Variants in GRIK2 observed in about 807,000 individuals in gnomAD.
GRIK2 encodes glutamate ionotropic receptor kainate type subunit 2.
In GRIK2, 32 loss-of-function variants were observed where a neutral mutation model predicts 100.3. The ratio of observed to expected loss-of-function variants is 0.32; its 90% CI spans 0.24 to 0.43. The LOEUF (loss-of-function observed/expected upper bound fraction) is 0.43. Among genes scored for constraint, GRIK2 ranks in the 20% least tolerant of loss-of-function variants. The pLI is 1.00. For missense variants in GRIK2, 843 were observed against 1,114.9 expected, an observed-to-expected ratio of 0.76 and a Z score of 3.47; for synonymous variants, 417 against 389.4, an observed-to-expected ratio of 1.07 and a Z score of -0.83.
At chr6:101,515,073 A>G (rs1582621240) in intron 2 of GRIK2, among the ~76,000 whole-genome samples, 1 of 152,198 alleles carries the variant, frequency 6.6e-6, no homozygotes, top group African/African-American at 2.4e-5. Flanking sequence ...CCAAGTCCCC[A>G]GAGTCCACTG....
chr6:101,807,241 G>GGT (rs1186802254), intron 9 of GRIK2, among the ~76,000 whole-genome samples: 2 of 151,800 alleles, frequency 1.3e-5, no homozygotes, highest in African/African-American at 4.8e-5. Flanking sequence ...GTTTCAAGTG[G>GGT]GTAAAGGATT....
chr6:102,068,385 G>A lies in GRIK2; in HGVS notation c.2601G>A (p.Met867Ile), dbSNP rs2235076. 35,884 of 1,611,558 alleles carry A rather than the reference G, an allele frequency of 0.022. 489 individuals carry two copies. The highest frequency in any genetic ancestry group is 0.032 in the Middle Eastern group (194 of 6,040). ...GTGCCATGGTAGAAGAATTGAGGAT[G>A]TCCCTGAAGTGCCAGCGTCGGTTAA... ...FCSAMVEELR[M>I]SLKCQRRLKH... The change falls in exon 17 of 17, where the codon ATG becomes ATA. Residue 867 changes from methionine to isoleucine, a missense_variant. Met to Ile is a conservative substitution (Grantham distance 10, BLOSUM62 1). Transcript: ENST00000369134.
chr6:101,676,652 G>C lies in GRIK2; in HGVS notation c.571G>C (p.Ala191Pro). Residue 191 changes from alanine to proline, a missense_variant, in exon 5 of 17, where the codon GCT becomes CCT. By Grantham distance (27) the Ala-to-Pro change is conservative. Coordinates refer to ENST00000369134, the MANE Select transcript of GRIK2 (RefSeq NM_021956.5). ...CATTCGTTTGCAAGAGCTCATCAAA[G>C]CTCCATCAAGGTATAATCTTCGACT... ...GLIRLQELIK[A>P]PSRYNLRLKI... 1 of 1,584,290 alleles carries C rather than the reference G, an allele frequency of 6.3e-7. No homozygotes were observed. The highest frequency in any genetic ancestry group is 1.2e-5 in the South Asian group (1 of 85,390).
At chr6:101,461,731 A>T (rs1036368966) in intron 2 of GRIK2, among the ~76,000 whole-genome samples, 17 of 152,122 alleles carry the variant, frequency 1.1e-4, no homozygotes, top group African/African-American at 4.1e-4. Context: ...TGCCTACCCC[A>T]GGCTGAAAAA....
At chr6:101,933,747 C>T (rs911168541) in intron 14 of GRIK2, among the ~76,000 whole-genome samples, 4 of 151,802 alleles carry the variant, frequency 2.6e-5, no homozygotes, top group East Asian at 1.9e-4. Context: ...TCAGGTATAA[C>T]GTGATTATGT....
intron 11 of GRIK2, among the ~76,000 whole-genome samples, chr6:101,880,087 A>G (rs895419999): frequency 6.6e-6 from 1 of 152,076 alleles, no homozygotes; most frequent in African/African-American, 2.4e-5. Flanking sequence ...CAACTACACA[A>G]AAACTAAACT....
chr6:101,682,681 G>A (rs1434641411), intron 6 of GRIK2, 75 bp downstream of exon 6: 1 of 705,282 alleles, frequency 1.4e-6, no homozygotes, highest in African/African-American at 1.8e-5. Flanking sequence ...AGGTTTTTTA[G>A]TAAGAAGTAT....
At chr6:101,470,672 A>G (rs58145418) in intron 2 of GRIK2, among the ~76,000 whole-genome samples, 2,724 of 152,132 alleles carry the variant, frequency 0.018, 89 homozygotes, top group African/African-American at 0.063. Flanking sequence ...GGATCATTAT[A>G]CTCAGACTTT....
intron 2 of GRIK2, among the ~76,000 whole-genome samples, chr6:101,563,051 T>C (rs906593599): frequency 2.0e-5 from 3 of 152,228 alleles, no homozygotes; most frequent in Non-Finnish European, 2.9e-5. Context: ...CAGCTGCTCC[T>C]ACCAGCTTTT....
At chr6:102,064,034 A>G (rs1455202297) in intron 16 of GRIK2, 2 of 1,474,416 alleles carry the variant, frequency 1.4e-6, no homozygotes, top group African/African-American at 1.4e-5. Context: ...TTACTAAAAG[A>G]GGTTTTTAAT....
At chr6:101,732,810 A>T (rs1775368300) in intron 7 of GRIK2, among the ~76,000 whole-genome samples, 1 of 151,976 alleles carries the variant, frequency 6.6e-6, no homozygotes, top group Non-Finnish European at 1.5e-5. Flanking sequence ...TGCCCTATGC[A>T]GACTCATCCT....
At chr6:101,812,011 G>A (rs1049772457) in intron 9 of GRIK2, among the ~76,000 whole-genome samples, 33 of 151,146 alleles carry the variant, frequency 2.2e-4, no homozygotes, top group Non-Finnish European at 4.1e-4. Context: ...AACCTATAGT[G>A]TAAAATATTT....
At chr6:101,845,334 C>A (rs976540335) in intron 10 of GRIK2, among the ~76,000 whole-genome samples, 1 of 152,076 alleles carries the variant, frequency 6.6e-6, no homozygotes, top group Non-Finnish European at 1.5e-5. Context: ...ACCCATGAGG[C>A]CCTGGCAATA....
intron 2 of GRIK2, among the ~76,000 whole-genome samples, chr6:101,613,859 G>A (rs1394181390): frequency 1.3e-5 from 2 of 151,714 alleles, no homozygotes; most frequent in East Asian, 3.9e-4. Flanking sequence ...AAGAAACGCA[G>A]TAGGAAGATG....
At chr6:101,500,458 A>T (rs1269091229) in intron 2 of GRIK2, among the ~76,000 whole-genome samples, 1 of 152,132 alleles carries the variant, frequency 6.6e-6, no homozygotes, top group African/African-American at 2.4e-5. Context: ...TGGAGCAGAG[A>T]GTTAACTAAC....
At chr6:101,764,174 C>A (rs1349667630) in intron 7 of GRIK2, among the ~76,000 whole-genome samples, 1 of 152,072 alleles carries the variant, frequency 6.6e-6, no homozygotes, top group Non-Finnish European at 1.5e-5. Context: ...TACCTTTATT[C>A]CTGAGTGTCA....
chr6:101,524,387 T>C (rs1775040431), intron 2 of GRIK2, among the ~76,000 whole-genome samples: 1 of 57,398 alleles, frequency 1.7e-5, no homozygotes, highest in Admixed American at 1.5e-4. Context: ...TGCCCCATTT[T>C]ATATATATAT....
At chr6:101,878,575 T>C (rs1786029974) in intron 11 of GRIK2, among the ~76,000 whole-genome samples, 1 of 152,016 alleles carries the variant, frequency 6.6e-6, no homozygotes, top group African/African-American at 2.4e-5. Context: ...TTAAACAATT[T>C]TGAGACTCTC....
chr6:101,855,326 C>T (rs1164641908), intron 10 of GRIK2, among the ~76,000 whole-genome samples: 1 of 152,088 alleles, frequency 6.6e-6, no homozygotes, highest in Non-Finnish European at 1.5e-5. Context: ...AAGAATTGCA[C>T]ATACATCAAA....
Sources: gnomAD v4.1 joint callset for allele counts (sites outside exome capture counted in the v4.1 genomes callset) on GRCh38, gnomAD v4.1.1 for gene constraint, MANE v1.5 for transcripts, NCBI Gene and HGNC (gene_info 2026-07-23, HGNC 2026-07-21) for gene names.